Variants in CNTLN observed in about 807,000 individuals in gnomAD.
The protein encoded by CNTLN is centlein, centrosomal protein.
In CNTLN, 212 loss-of-function variants were observed where a neutral mutation model predicts 180.0. The observed-to-expected ratio is 1.18, with a 90% confidence interval of 1.05 to 1.32. The LOEUF is 1.32. Among genes scored for constraint, CNTLN ranks in the 40% most tolerant of loss-of-function variants. CNTLN has a pLI of 0.00. For missense variants in CNTLN, 2,095 were observed against 1,610.9 expected (o/e 1.30, Z -5.14); for synonymous variants, 722 against 563.1 (o/e 1.28, Z -3.99).
At chr9:17,438,267 T>G (rs931794752) in intron 18 of CNTLN, among the ~76,000 whole-genome samples, 1 of 152,036 alleles carries the variant, frequency 6.6e-6, no homozygotes, top group Non-Finnish European at 1.5e-5. Context: ...AGCAACTAGA[T>G]AAATTATTGT....
rs117318512 is a variant in CNTLN at position 17,323,647 on chromosome 9, G to T, written c.1342-6985G>T. On this transcript the variant is annotated intron_variant, in intron 8 of 25. Transcript: ENST00000380647. ...TTGTAAATTACTTTACATGGCGGAT[G>T]CCTAACTCAGTTGGTTTTCAACTGC... Among the ~76,000 whole-genome samples, 635 of 152,312 alleles carry T rather than the reference G, an allele frequency of 4.2e-3. 17 individuals carry two copies. The East Asian group carries it at 0.07, about 17-fold the overall frequency.
chr9:17,135,921 G>A (rs186095432), intron 1 of CNTLN, among the ~76,000 whole-genome samples: 1 of 152,178 alleles, frequency 6.6e-6, no homozygotes, highest in East Asian at 1.9e-4. Flanking sequence ...AAACACAGAC[G>A]AGTAACGTTT....
At chr9:17,383,995 G>T (rs12156444) in intron 13 of CNTLN, among the ~76,000 whole-genome samples, 37,929 of 151,994 alleles carry the variant, frequency 0.25, 4,954 homozygotes, top group South Asian at 0.38. Context: ...ACTTCACAAA[G>T]CTAATTCATT....
intron 18 of CNTLN, among the ~76,000 whole-genome samples, chr9:17,450,321 T>A (rs538366445): frequency 6.6e-6 from 1 of 152,322 alleles, no homozygotes; most frequent in Middle Eastern, 3.4e-3. Context: ...AGAGTTTTTT[T>A]TTCTTGATAG....
At chr9:17,381,279 C>T (rs1465245547) in intron 13 of CNTLN, among the ~76,000 whole-genome samples, 2 of 152,214 alleles carry the variant, frequency 1.3e-5, no homozygotes, top group Non-Finnish European at 2.9e-5. Flanking sequence ...TTTTCCAACT[C>T]TAGAAGTACT....
At chr9:17,163,988 C>T (rs949410065) in intron 2 of CNTLN, among the ~76,000 whole-genome samples, 5 of 151,488 alleles carry the variant, frequency 3.3e-5, no homozygotes, top group African/African-American at 1.2e-4. Context: ...CACTGCACTC[C>T]AGCCTGGGCA....
intron 5 of CNTLN, among the ~76,000 whole-genome samples, chr9:17,251,762 G>T (rs766454907): frequency 2.6e-5 from 4 of 151,762 alleles, no homozygotes; most frequent in Non-Finnish European, 4.4e-5. Context: ...GTCTCTTTCA[G>T]TTGCTTCGAA....
At chr9:17,411,953 C>T (rs367690258) in intron 16 of CNTLN, among the ~76,000 whole-genome samples, 2 of 152,114 alleles carry the variant, frequency 1.3e-5, no homozygotes, top group African/African-American at 4.8e-5. Flanking sequence ...CCCTTCTGAG[C>T]AAGATAATTT....
intron 10 of CNTLN, among the ~76,000 whole-genome samples, chr9:17,336,746 G>A (rs1821068569): frequency 6.6e-6 from 1 of 152,152 alleles, no homozygotes; most frequent in African/African-American, 2.4e-5. Flanking sequence ...TGGGATACAT[G>A]TGCAGAATGT....
At chr9:17,314,255 C>T (rs542804915) in intron 8 of CNTLN, among the ~76,000 whole-genome samples, 1 of 152,116 alleles carries the variant, frequency 6.6e-6, no homozygotes, top group African/African-American at 2.4e-5. Context: ...TTGGTTTGAT[C>T]ACTATTGTTT....
chr9:17,165,677 G>A (rs1419994263), intron 2 of CNTLN, among the ~76,000 whole-genome samples: 1 of 152,120 alleles, frequency 6.6e-6, no homozygotes, highest in South Asian at 2.1e-4. Flanking sequence ...CTGGACTTAG[G>A]GACCTCAGGC....
At chr9:17,144,804 AATTT>A (rs1281820456) in intron 2 of CNTLN, among the ~76,000 whole-genome samples, 5 of 150,810 alleles carry the variant, frequency 3.3e-5, no homozygotes, top group Middle Eastern at 3.2e-3. Context: ...ATACTTGGAG[AATTT>A]ATTTATTTAT....
At chr9:17,213,351 T>G (rs999904784) in intron 2 of CNTLN, among the ~76,000 whole-genome samples, 23 of 152,220 alleles carry the variant, frequency 1.5e-4, no homozygotes, top group Admixed American at 8.5e-4. Flanking sequence ...TCAGTTTCCA[T>G]GTAGTTGACC....
chr9:17,437,056 C>G (rs560042690), intron 18 of CNTLN, among the ~76,000 whole-genome samples: 55 of 152,302 alleles, frequency 3.6e-4, no homozygotes, highest in Non-Finnish European at 6.5e-4. Context: ...TAGCCTGTCT[C>G]TCTCCTAGCA....
intron 25 of CNTLN, among the ~76,000 whole-genome samples, chr9:17,493,560 C>T (rs895770047): frequency 6.6e-6 from 1 of 152,106 alleles, no homozygotes; most frequent in Non-Finnish European, 1.5e-5. Flanking sequence ...CCTTGAAAAG[C>T]CCATCCTATG....
intron 23 of CNTLN, among the ~76,000 whole-genome samples, chr9:17,480,198 C>CA (rs963288503): frequency 1.3e-5 from 2 of 151,642 alleles, no homozygotes; most frequent in East Asian, 1.9e-4. Context: ...CTCTAAAAAA[C>CA]AAAAAAACAT....
At chr9:17,431,198 G>A (rs201459315) in intron 18 of CNTLN, among the ~76,000 whole-genome samples, 6 of 152,034 alleles carry the variant, frequency 3.9e-5, no homozygotes, top group Admixed American at 3.3e-4. Context: ...TTTTCTCTAC[G>A]TCCTCACTAG....
chr9:17,175,827 A>G (rs979711132), intron 2 of CNTLN, among the ~76,000 whole-genome samples: 3 of 152,136 alleles, frequency 2.0e-5, no homozygotes, highest in African/African-American at 7.2e-5. Flanking sequence ...TGCAAGTCCT[A>G]TATATTGTTA....
At chr9:17,437,428 A>G (rs1171722415) in intron 18 of CNTLN, among the ~76,000 whole-genome samples, 2 of 152,228 alleles carry the variant, frequency 1.3e-5, no homozygotes, top group African/African-American at 2.4e-5. Flanking sequence ...TTTAAAATAA[A>G]GCAGTGTTAT....
Sources: gnomAD v4.1 joint callset for allele counts (sites outside exome capture counted in the v4.1 genomes callset) on GRCh38, gnomAD v4.1.1 for gene constraint, MANE v1.5 for transcripts, NCBI Gene and HGNC (gene_info 2026-07-23, HGNC 2026-07-21) for gene names.